PTPRM: variants seen among roughly 807,000 people sequenced by gnomAD.
The protein encoded by PTPRM is receptor-type tyrosine-protein phosphatase mu.
Under a neutral mutation model 186.7 loss-of-function variants are expected in PTPRM, and 47 were observed. The ratio of observed to expected loss-of-function variants is 0.25; its 90% confidence interval spans 0.20 to 0.32. The LOEUF (loss-of-function observed/expected upper bound fraction) is 0.32, where lower values mean the gene tolerates loss of function less well. Ranked by LOEUF, PTPRM falls within the 10% of genes least tolerant of loss-of-function variation. The pLI is 1.00. For synonymous variants in PTPRM, 668 were observed against 674.9 expected, an observed-to-expected ratio of 0.99 and a Z score of 0.16; for missense variants, 1,494 against 1,865.0, an observed-to-expected ratio of 0.80 and a Z score of 3.66.
chr18:8,193,314 G>A (rs1328940617), intron 14 of PTPRM, among the ~76,000 whole-genome samples: 1 of 152,164 alleles, frequency 6.6e-6, no homozygotes, highest in Non-Finnish European at 1.5e-5. Context: ...AAAATGAGAA[G>A]CTGTGGTGAA....
At chr18:8,113,210 A>T (rs995521424) in intron 11 of PTPRM, among the ~76,000 whole-genome samples, 1 of 152,254 alleles carries the variant, frequency 6.6e-6, no homozygotes. Context: ...AACAGTAGAG[A>T]TTATCATATT....
At chr18:8,032,978 T>C (rs1269307920) in intron 7 of PTPRM, among the ~76,000 whole-genome samples, 1 of 152,134 alleles carries the variant, frequency 6.6e-6, no homozygotes, top group Non-Finnish European at 1.5e-5. Flanking sequence ...GTTTTGAGCA[T>C]TGAAAAGCCT....
intron 2 of PTPRM, among the ~76,000 whole-genome samples, chr18:7,783,647 C>T (rs2042958523): frequency 6.6e-6 from 1 of 151,998 alleles, no homozygotes; most frequent in Non-Finnish European, 1.5e-5. Context: ...TCATAGCTCA[C>T]TGCAGCATCA....
chr18:7,707,480 A>G (rs2040119315), intron 1 of PTPRM, among the ~76,000 whole-genome samples: 1 of 151,854 alleles, frequency 6.6e-6, no homozygotes, highest in Non-Finnish European at 1.5e-5. Context: ...TAATAATAAT[A>G]ATAATAAAAT....
At chr18:7,718,673 GA>G (rs1568051558) in intron 1 of PTPRM, among the ~76,000 whole-genome samples, 1 of 152,078 alleles carries the variant, frequency 6.6e-6, no homozygotes, top group Non-Finnish European at 1.5e-5. Flanking sequence ...TCTGACAAAG[GA>G]CTAATATCCA....
intron 1 of PTPRM, among the ~76,000 whole-genome samples, chr18:7,610,321 A>T (rs1036758550): frequency 7.9e-5 from 12 of 152,236 alleles, no homozygotes; most frequent in African/African-American, 2.4e-4. Flanking sequence ...TAAACTTTAA[A>T]ATCTGGGTGT....
intron 7 of PTPRM, among the ~76,000 whole-genome samples, chr18:7,959,155 ACT>A (rs2053507633): frequency 6.6e-6 from 1 of 151,980 alleles, no homozygotes; most frequent in African/African-American, 2.4e-5. Context: ...CCTAGAACAA[ACT>A]CTTACATATA....
chr18:7,959,771 A>G (rs2053546261), intron 7 of PTPRM, among the ~76,000 whole-genome samples: 1 of 152,210 alleles, frequency 6.6e-6, no homozygotes, highest in South Asian at 2.1e-4. Flanking sequence ...TTTTATCTGT[A>G]AAGACATTTT....
At chr18:7,964,519 C>T (rs2053893086) in intron 7 of PTPRM, among the ~76,000 whole-genome samples, 1 of 152,184 alleles carries the variant, frequency 6.6e-6, no homozygotes, top group African/African-American at 2.4e-5. Context: ...GGGAAAATTA[C>T]ATATGCTAAT....
intron 3 of PTPRM, among the ~76,000 whole-genome samples, chr18:7,900,164 A>G (rs1191751619): frequency 1.3e-5 from 2 of 152,242 alleles, no homozygotes; most frequent in Admixed American, 1.3e-4. Context: ...TACAGTCCAA[A>G]CGCTGTCTGT....
Position 8,200,888 on chromosome 18 carries a change from A to G in PTPRM, c.2301-43170A>G, listed in dbSNP as rs79903766. On this transcript the variant is annotated intron_variant, in intron 14 of 32. Transcript: ENST00000580170. Reference sequence around the variant, plus strand: ...TAAAAGATAAAACATATATTCCTTTACATAACTGCAATACATAAATTATAA... The same window carrying G: ...TAAAAGATAAAACATATATTCCTTTGCATAACTGCAATACATAAATTATAA... 4.3e-3 allele frequency among the ~76,000 whole-genome samples: 656 copies of G among 152,352 alleles called. 8 individuals carry two copies. Among genetic ancestry groups the G allele is most frequent in the South Asian group, 0.016 (78 of 4,828 alleles).
chr18:8,350,817 T>C (rs371970276), intron 23 of PTPRM, among the ~76,000 whole-genome samples: 1 of 152,344 alleles, frequency 6.6e-6, no homozygotes, highest in South Asian at 2.1e-4. Flanking sequence ...ATTTGCCATT[T>C]GCCACACACG....
chr18:8,224,190 C>A (rs1313204733), intron 14 of PTPRM, among the ~76,000 whole-genome samples: 1 of 152,018 alleles, frequency 6.6e-6, no homozygotes, highest in East Asian at 1.9e-4. Context: ...CTGTACATTG[C>A]AGGAAATGTC....
intron 19 of PTPRM, among the ~76,000 whole-genome samples, chr18:8,292,697 C>T (rs2095054996): frequency 6.6e-6 from 1 of 152,182 alleles, no homozygotes; most frequent in Non-Finnish European, 1.5e-5. Flanking sequence ...AGAAGTTGAA[C>T]TTTTCCTGCA....
intron 30 of PTPRM, among the ~76,000 whole-genome samples, chr18:8,386,372 G>A (rs958440384): frequency 2.0e-5 from 3 of 152,132 alleles, no homozygotes; most frequent in Admixed American, 1.3e-4. Flanking sequence ...GGGAGAAGGG[G>A]AGACTGAGGC....
At chr18:8,233,161 A>T (rs1341869441) in intron 14 of PTPRM, among the ~76,000 whole-genome samples, 2 of 152,216 alleles carry the variant, frequency 1.3e-5, no homozygotes, top group Non-Finnish European at 2.9e-5. Flanking sequence ...TGAGCTAGTC[A>T]CAATCCCTTT....
At chr18:8,281,937 G>A (rs1224688544) in intron 19 of PTPRM, among the ~76,000 whole-genome samples, 1 of 152,022 alleles carries the variant, frequency 6.6e-6, no homozygotes, top group African/African-American at 2.4e-5. Flanking sequence ...CATTAAAGAA[G>A]AAAATCAAGA....
Position 7,784,326 on chromosome 18 carries a change from G to A in PTPRM, c.196+10055G>A, listed in dbSNP as rs561482004. On this transcript the variant is annotated intron_variant, in intron 2 of 32. Transcript: ENST00000580170. ...CTAACTAAAACAGAGTCAAGAGGCC[G>A]GAGGGGAAAAGCACCCTGGACACAC... is the stretch of plus-strand genomic sequence containing the variant. 4.6e-5 allele frequency among the ~76,000 whole-genome samples: 7 copies of A among 152,222 alleles called. 1 individual carries two copies. The South Asian group carries it at 1.0e-3, about 23-fold the overall frequency.
intron 14 of PTPRM, among the ~76,000 whole-genome samples, chr18:8,162,865 C>T (rs1600930380): frequency 2.0e-5 from 3 of 152,276 alleles, no homozygotes; most frequent in South Asian, 4.1e-4. Context: ...GCTAAGTGTC[C>T]AATCCACAGC....
Sources: gnomAD v4.1 joint callset for allele counts (sites outside exome capture counted in the v4.1 genomes callset) on GRCh38, gnomAD v4.1.1 for gene constraint, MANE v1.5 for transcripts, NCBI Gene and HGNC (gene_info 2026-07-23, HGNC 2026-07-21) for gene names.